The following OSBPL5 variants were observed in gnomAD, a reference collection of about 807,000 sequenced individuals.
OSBPL5 encodes the protein oxysterol binding protein like 5.
Under a neutral mutation model 111.2 loss-of-function variants are expected in OSBPL5, and 71 were observed. That is an observed-to-expected ratio of 0.64 (90% confidence interval 0.53 to 0.78). OSBPL5 has a LOEUF of 0.78. OSBPL5 is among the 30% of genes least tolerant of loss of function. The pLI is 0.00. For synonymous variants in OSBPL5, 549 were observed against 513.9 expected, an observed-to-expected ratio of 1.07 and a Z score of -0.93; for missense variants, 1,210 against 1,189.3, an observed-to-expected ratio of 1.02 and a Z score of -0.26.
In OSBPL5 at chr11:3,142,211, G is replaced by A. The variant is rs1292015632; in HGVS notation, c.-21-13042C>T. Among the ~76,000 whole-genome samples, 3 of 152,226 alleles carry A rather than the reference G, an allele frequency of 2.0e-5. No homozygotes were observed. Among genetic ancestry groups the A allele is most frequent in the African/African-American group, 4.8e-5 (2 of 41,454 alleles). On this transcript the variant is annotated intron_variant, in intron 1 of 21. Coordinates refer to ENST00000263650, the MANE Select transcript of OSBPL5 (RefSeq NM_020896.4). The surrounding 1 kb of genome is among the most constrained non-coding windows in gnomAD (Gnocchi z 7.1). Reference sequence around the variant, plus strand: ...TGGGATTACAGGCGTGAGCCACCGTGCCCGGCCGACAGCTGGTTTCTGAGG... The same window carrying A: ...TGGGATTACAGGCGTGAGCCACCGTACCCGGCCGACAGCTGGTTTCTGAGG...
chr11:3,132,320 C>A (rs1845835710), intron 1 of OSBPL5, among the ~76,000 whole-genome samples: 1 of 152,082 alleles, frequency 6.6e-6, no homozygotes, highest in Non-Finnish European at 1.5e-5. Context: ...CCCGCTCAGA[C>A]AGGGTGGGCG....
Position 3,140,551 on chromosome 11 carries a change from G to A in OSBPL5, c.-21-11382C>T, listed in dbSNP as rs1400248768. Among the ~76,000 whole-genome samples, 2 of 152,222 alleles carry A rather than the reference G, an allele frequency of 1.3e-5. No individual in the cohort carries two copies. The highest frequency in any genetic ancestry group is 2.9e-5 in the Non-Finnish European group (2 of 67,990). On this transcript the variant is annotated intron_variant, in intron 1 of 21. Coordinates refer to ENST00000263650, the MANE Select transcript of OSBPL5 (RefSeq NM_020896.4). This position sits in a 1 kb window ranked among gnomAD's most constrained non-coding sequence, Gnocchi z 4.5. ...AGCACGCAGGGCCTCCCCCAGCAGA[G>A]AGGGGCACCGAGGGAAGCCAGGACC...
At position 3,157,400 on chromosome 11, in the gene OSBPL5, G is replaced by C. The variant is rs182029545; in HGVS notation, c.-22+7816C>G. On this transcript the variant is annotated intron_variant, in intron 1 of 21. Transcript: ENST00000263650. The stretch of plus-strand genomic sequence containing the variant: ...AAGGTGACGTCCCCAGGAGACCCGG[G>C]GAGGCCAAGAGGGGGCCTGGGCACC... Among the ~76,000 whole-genome samples, 337 of 152,338 alleles carry C rather than the reference G, an allele frequency of 2.2e-3. 1 individual carries two copies. Among genetic ancestry groups the C allele is most frequent in the African/African-American group, 7.8e-3 (325 of 41,578 alleles).
intron 7 of OSBPL5, among the ~76,000 whole-genome samples, chr11:3,112,034 T>TGTGTGC (rs1491348458): frequency 1.9e-4 from 20 of 103,360 alleles, no homozygotes; most frequent in African/African-American, 6.1e-4. Flanking sequence ...CATGTGTGTG[T>TGTGTGC]ATGTGTGCGC....
chr11:3,160,745 G>A (rs963735673), intron 1 of OSBPL5, among the ~76,000 whole-genome samples: 1 of 146,034 alleles, frequency 6.8e-6, no homozygotes, highest in South Asian at 2.4e-4. Flanking sequence ...CCGCAACGCC[G>A]GGATACTGAG....
intron 14 of OSBPL5, among the ~76,000 whole-genome samples, chr11:3,097,000 GAAA>G (rs1857284404): frequency 1.1e-5 from 1 of 91,964 alleles, no homozygotes; most frequent in Non-Finnish European, 2.1e-5. Context: ...AGGAGAAGAG[GAAA>G]GAGGGGGAAG....
chr11:3,149,315 G>A (rs1846482590), intron 1 of OSBPL5, among the ~76,000 whole-genome samples: 1 of 152,226 alleles, frequency 6.6e-6, no homozygotes, highest in Non-Finnish European at 1.5e-5. Context: ...GGCTGGGGGG[G>A]CAGTCGCCCT....
At chr11:3,128,122 C>T (rs976436586) in intron 2 of OSBPL5, among the ~76,000 whole-genome samples, 6 of 152,250 alleles carry the variant, frequency 3.9e-5, no homozygotes, top group African/African-American at 9.6e-5. Context: ...GCCACCTCTA[C>T]GCTGGGACTC....
rs1178263641 is a variant in OSBPL5, at chr11:3,107,684, G to GCAGC, written c.866+86_866+87insGCTG. On this transcript the variant is annotated intron_variant, in intron 8 of 21. Coordinates refer to ENST00000263650, the MANE Select transcript of OSBPL5 (RefSeq NM_020896.4). This position sits in a 1 kb window ranked among gnomAD's most constrained non-coding sequence, Gnocchi z 6.1. ...GTGCAGCCTGCAGCCCACCAGAGCA[G>GCAGC]TGGCTGGGGCTGTCCTCTCCCCTCT... The GCAGC allele has an allele frequency of 7.0e-5, 107 of 1,529,572 alleles. No homozygotes were observed. The highest frequency in any genetic ancestry group is 9.1e-5 in the Non-Finnish European group (102 of 1,125,940). 94.8% of individuals were successfully genotyped at this position (1,529,572 alleles called of 1,614,324 possible). A position where few individuals can be genotyped will look rare whatever the true frequency, so the allele number is the denominator to read the frequency against.
intron 1 of OSBPL5, among the ~76,000 whole-genome samples, chr11:3,143,537 C>T (rs71478503): frequency 1.3e-5 from 2 of 152,214 alleles, no homozygotes; most frequent in African/African-American, 2.4e-5. Context: ...GCAGGAAGCA[C>T]GGCACTCACA....
chr11:3,100,036 A>AG, intron 14 of OSBPL5, 122 bp downstream of exon 14: 1 of 808,856 alleles, frequency 1.2e-6, no homozygotes, highest in Non-Finnish European at 1.9e-6. Flanking sequence ...AAAAAAAAAA[A>AG]AGTCATGGGC....
rs1846124994 is a variant in OSBPL5, at chr11:3,141,746, GC to G, written c.-21-12578del. Among the ~76,000 whole-genome samples the G allele has an allele frequency of 6.6e-6, 1 of 152,152 alleles. No individual in the cohort carries two copies. Among genetic ancestry groups the G allele is most frequent in the South Asian group, 2.1e-4 (1 of 4,830 alleles). ...CCCTTGCATGTGTGTCCTCCCCTGG[GC>G]ACAGGATGCTAAATGGGGTGACAGT... On this transcript the variant is annotated intron_variant, in intron 1 of 21. Coordinates refer to ENST00000263650, the MANE Select transcript of OSBPL5 (RefSeq NM_020896.4). This position sits in a 1 kb window ranked among gnomAD's most constrained non-coding sequence, Gnocchi z 6.5.
chr11:3,121,679 C>T lies in OSBPL5; in HGVS notation c.402+318G>A. The T allele has an allele frequency of 2.7e-6, 1 of 366,408 alleles. No homozygotes were observed. Among genetic ancestry groups the T allele is most frequent in the South Asian group, 3.1e-5 (1 of 32,226 alleles). 22.7% of individuals were successfully genotyped at this position (366,408 alleles called of 1,614,324 possible). A position where few individuals can be genotyped will look rare whatever the true frequency, so the allele number is the denominator to read the frequency against. ...TCTCCCAGAAGCCAGAGCAATGTCT[C>T]CCTCCCCAGCGCCCTCCGCCCACTG... On this transcript the variant is annotated intron_variant, in intron 5 of 21. Coordinates refer to ENST00000263650, the MANE Select transcript of OSBPL5 (RefSeq NM_020896.4). This position sits in a 1 kb window ranked among gnomAD's most constrained non-coding sequence, Gnocchi z 4.3.
In OSBPL5 at chr11:3,120,446, A is replaced by T; in HGVS notation, c.581T>A (p.Leu194Gln). ...CTTCACGGCCCAGACGGACTGATCCAGCGGGTGGAAGAGCTTGAAGCAGAA... is the reference window on the plus strand; with the variant it reads ...CTTCACGGCCCAGACGGACTGATCCTGCGGGTGGAAGAGCTTGAAGCAGAA... ...DGFCFKLFHPLDQSVWAVKGP... is the reference protein window; with the variant it reads ...DGFCFKLFHPQDQSVWAVKGP... The change falls in exon 6 of 22, where the codon CTG (leucine) becomes CAG (glutamine). Residue 194 changes from leucine (L) to glutamine (Q), a missense_variant. By Grantham distance (113) the Leu-to-Gln change is moderately radical. Transcript: ENST00000263650. 6.2e-7 allele frequency: 1 copy of T among 1,613,234 alleles called. No homozygotes were observed. Among genetic ancestry groups the T allele is most frequent in the Admixed American group, 1.7e-5 (1 of 60,014 alleles).
chr11:3,155,211 C>G (rs146493385), intron 1 of OSBPL5, among the ~76,000 whole-genome samples: 259 of 152,330 alleles, frequency 1.7e-3, no homozygotes, highest in African/African-American at 5.9e-3. Context: ...ACACACCGGC[C>G]CAGGAGGGCC....
At chr11:3,133,539 C>T (rs1056259034) in intron 1 of OSBPL5, among the ~76,000 whole-genome samples, 74 of 150,946 alleles carry the variant, frequency 4.9e-4, no homozygotes, top group African/African-American at 1.6e-3. Context: ...ATGTGGCGGT[C>T]GCTCTCAGCG....
In OSBPL5 at chr11:3,105,597, A is replaced by G; in HGVS notation, c.1060-1220T>C. Reference sequence around the variant, plus strand: ...GACTGTCTTGCCGTAGGTCCCCACCACTCCTCACTGGTCCAGCAGCCATCC... The same window carrying G: ...GACTGTCTTGCCGTAGGTCCCCACCGCTCCTCACTGGTCCAGCAGCCATCC... On this transcript the variant is annotated intron_variant, in intron 9 of 21. Coordinates refer to ENST00000263650, the MANE Select transcript of OSBPL5 (RefSeq NM_020896.4). The surrounding 1 kb of genome is among the most constrained non-coding windows in gnomAD (Gnocchi z 5.2). Among the ~76,000 whole-genome samples the G allele has an allele frequency of 6.6e-6, 1 of 151,062 alleles. No individual in the cohort carries two copies. Among genetic ancestry groups the G allele is most frequent in the Admixed American group, 6.6e-5 (1 of 15,192 alleles).
At chr11:3,108,121 A>G (rs1857777646) in intron 7 of OSBPL5, among the ~76,000 whole-genome samples, 176 bp from the exon 8 acceptor site, 1 of 151,544 alleles carries the variant, frequency 6.6e-6, no homozygotes, top group African/African-American at 2.4e-5. Flanking sequence ...CTGCCCCCAC[A>G]TCCAGCTGCA....
chr11:3,160,672 T>TCCCCCCCCCCCC (rs71035491), intron 1 of OSBPL5, among the ~76,000 whole-genome samples: 80 of 122,418 alleles, frequency 6.5e-4, no homozygotes, highest in South Asian at 9.7e-4. Flanking sequence ...ATGACAACCC[T>TCCCCCCCCCCCC]CCCCCCCCCC....
Sources: gnomAD v4.1 joint callset for allele counts (sites outside exome capture counted in the v4.1 genomes callset) on GRCh38, gnomAD v4.1.1 for gene constraint, Gnocchi (gnomAD v3.1) non-coding constraint, MANE v1.5 for transcripts, NCBI Gene and HGNC (gene_info 2026-07-23, HGNC 2026-07-21) for gene names.